The following ARMH3 variants were observed in gnomAD, a reference collection of about 807,000 sequenced individuals.
ARMH3 encodes the protein armadillo-like helical domain-containing protein 3.
ARMH3 carries 60 observed loss-of-function variants against 99.1 expected under a neutral mutation model. That is an observed-to-expected ratio of 0.61 (90% CI 0.49 to 0.75). The LOEUF (loss-of-function observed/expected upper bound fraction) is 0.75, where lower values mean the gene tolerates loss of function less well. Ranked by LOEUF, ARMH3 falls within the 30% of genes least tolerant of loss-of-function variation. The probability of loss-of-function intolerance (pLI) is 0.00; values close to 1 mark genes in which losing one functional copy is unlikely to be tolerated. For missense variants in ARMH3, 679 were observed against 843.1 expected (o/e 0.81, Z 2.41); for synonymous variants, 285 against 292.8 (o/e 0.97, Z 0.27).
At chr10:101,867,549 T>C (rs1178825510) in intron 24 of ARMH3, among the ~76,000 whole-genome samples, 2 of 152,112 alleles carry the variant, frequency 1.3e-5, no homozygotes, top group African/African-American at 4.8e-5. Context: ...GAAAAAGCCA[T>C]GGGCGAGGTG....
Position 102,026,579 on chromosome 10 carries a change from A to G in ARMH3, c.415-1331T>C, listed in dbSNP as rs868460994. Among the ~76,000 whole-genome samples the G allele has an allele frequency of 2.6e-5, 4 of 152,216 alleles. No homozygotes were observed. The South Asian group carries it at 8.3e-4, about 32-fold the overall frequency. On this transcript the variant is annotated intron_variant, in intron 5 of 25. Transcript: ENST00000370033. ...TTAGCATCATCAAAGACACATAAGGAAAGAAATGGCCCTGGTGTGGGGTTG... is the reference window on the plus strand; with the variant it reads ...TTAGCATCATCAAAGACACATAAGGGAAGAAATGGCCCTGGTGTGGGGTTG...
At chr10:102,007,232 G>A (rs904283343) in intron 13 of ARMH3, among the ~76,000 whole-genome samples, 1 of 143,786 alleles carries the variant, frequency 7.0e-6, no homozygotes, top group African/African-American at 2.6e-5. Flanking sequence ...ATGAGTACTT[G>A]ATTACGACTG....
intron 1 of ARMH3, among the ~76,000 whole-genome samples, chr10:102,042,960 C>T (rs1320936713): frequency 1.3e-5 from 2 of 152,146 alleles, no homozygotes; most frequent in East Asian, 1.9e-4. Flanking sequence ...TAATCCCAGC[C>T]ACTCAGGAGG....
chr10:102,017,367 T>G (rs1472606060), intron 8 of ARMH3, among the ~76,000 whole-genome samples: 2 of 152,046 alleles, frequency 1.3e-5, no homozygotes, highest in African/African-American at 4.8e-5. Context: ...TCTGAAAGAC[T>G]AGAGATGCAT....
At chr10:101,971,327 C>T (rs1032646553) in intron 20 of ARMH3, among the ~76,000 whole-genome samples, 1 of 151,884 alleles carries the variant, frequency 6.6e-6, no homozygotes, top group African/African-American at 2.4e-5. Context: ...ACCTGTAATC[C>T]CAGCACTTTG....
At chr10:101,859,424 C>CTGAAGA (rs2066812474) in intron 24 of ARMH3, among the ~76,000 whole-genome samples, 1 of 152,192 alleles carries the variant, frequency 6.6e-6, no homozygotes, top group African/African-American at 2.4e-5. Flanking sequence ...TCAGGGCAAT[C>CTGAAGA]ACCTGAAAGG....
chr10:101,997,646 C>T (rs1847123125), intron 15 of ARMH3, among the ~76,000 whole-genome samples: 1 of 151,536 alleles, frequency 6.6e-6, no homozygotes, highest in Admixed American at 6.6e-5. Flanking sequence ...TGGGGAGGGA[C>T]ACACAGGTAG....
intron 22 of ARMH3, among the ~76,000 whole-genome samples, chr10:101,948,427 G>C (rs80091714): frequency 1.4e-4 from 22 of 152,266 alleles, no homozygotes; most frequent in African/African-American, 5.3e-4. Flanking sequence ...TATGCATGCA[G>C]ATACTAATAA....
chr10:101,985,154 A>ATG (rs1337663749), intron 19 of ARMH3, among the ~76,000 whole-genome samples: 1 of 149,948 alleles, frequency 6.7e-6, no homozygotes, highest in Non-Finnish European at 1.5e-5. Flanking sequence ...TATAAATATA[A>ATG]TGTATATATA....
chr10:101,990,978 T>C (rs1846763539), intron 18 of ARMH3, among the ~76,000 whole-genome samples: 1 of 152,148 alleles, frequency 6.6e-6, no homozygotes, highest in African/African-American at 2.4e-5. Flanking sequence ...TGAGAAGAAA[T>C]TATGGATCAC....
At chr10:101,988,220 G>A (rs991604647) in intron 19 of ARMH3, among the ~76,000 whole-genome samples, 4 of 152,198 alleles carry the variant, frequency 2.6e-5, no homozygotes, top group Admixed American at 2.0e-4. Context: ...AGGCAATGAT[G>A]CTTACTAACA....
intron 19 of ARMH3, among the ~76,000 whole-genome samples, chr10:101,982,370 A>G (rs1287350614): frequency 6.6e-6 from 1 of 152,208 alleles, no homozygotes; most frequent in Non-Finnish European, 1.5e-5. Context: ...TAGATGCCAG[A>G]GTAAGACTGT....
chr10:101,988,944 A>AC (rs1590141553), intron 19 of ARMH3, among the ~76,000 whole-genome samples: 1 of 150,322 alleles, frequency 6.7e-6, no homozygotes, highest in Non-Finnish European at 1.5e-5. Flanking sequence ...AAAAAAAAAA[A>AC]AGCAAGCTAG....
chr10:102,006,671 T>C (rs774261121), intron 13 of ARMH3, 38 bp from the exon 14 acceptor site: 1 of 1,582,300 alleles, frequency 6.3e-7, no homozygotes. Flanking sequence ...AAACAGAAAA[T>C]CCAGTTCTCC....
chr10:102,009,523 G>A, intron 12 of ARMH3, 74 bp from the exon 13 acceptor site: 1 of 1,256,316 alleles, frequency 8.0e-7, no homozygotes. Context: ...ATGAAGATAA[G>A]ATTGGATTGC....
intron 10 of ARMH3, among the ~76,000 whole-genome samples, chr10:102,012,336 T>C (rs2136114489): frequency 6.6e-6 from 1 of 152,324 alleles, no homozygotes; most frequent in East Asian, 1.9e-4. Context: ...AAAGCAAGCA[T>C]CAATGAAGGG....
chr10:101,973,277 G>C (rs774756148), intron 20 of ARMH3, among the ~76,000 whole-genome samples: 5 of 151,226 alleles, frequency 3.3e-5, no homozygotes, highest in African/African-American at 1.2e-4. Flanking sequence ...CAGGAGAATG[G>C]TGTGAACCCG....
chr10:101,903,486 G>A (rs190502630), intron 23 of ARMH3, among the ~76,000 whole-genome samples: 26 of 152,316 alleles, frequency 1.7e-4, no homozygotes, highest in African/African-American at 6.3e-4. Context: ...TATCATGGAA[G>A]CACAGAGGAG....
At chr10:101,905,250 A>T (rs910310896) in intron 23 of ARMH3, among the ~76,000 whole-genome samples, 5 of 152,168 alleles carry the variant, frequency 3.3e-5, no homozygotes, top group Middle Eastern at 3.2e-3. Context: ...ATGGCAATGT[A>T]AAGGCCTTGG....
Sources: allele counts gnomAD v4.1 joint callset (sites outside exome capture counted in the v4.1 genomes callset), GRCh38; gene constraint gnomAD v4.1.1; transcripts MANE v1.5; gene names NCBI Gene and HGNC (gene_info 2026-07-23, HGNC 2026-07-21).